The following SNAP23 variants were observed in gnomAD, a reference collection of about 807,000 sequenced individuals.
SNAP23 encodes synaptosomal-associated protein 23.
In SNAP23, 11 loss-of-function variants were observed where a neutral mutation model predicts 29.0. The observed-to-expected ratio is 0.38, with a 90% CI of 0.24 to 0.63. SNAP23 has a LOEUF of 0.63. SNAP23 is among the 20% of genes least tolerant of loss of function. The pLI is 0.58. For synonymous variants in SNAP23, 60 were observed against 82.9 expected, an observed-to-expected ratio of 0.72 and a Z score of 1.50; for missense variants, 220 against 253.9, an observed-to-expected ratio of 0.87 and a Z score of 0.91.
At chr15:42,516,634 G>A (rs963187001) in intron 5 of SNAP23, among the ~76,000 whole-genome samples, 2 of 152,108 alleles carry the variant, frequency 1.3e-5, no homozygotes, top group Middle Eastern at 3.4e-3. Context: ...CGGCCTCAAT[G>A]TATTCATTTT....
At chr15:42,508,376 G>A (rs1011688192) in intron 1 of SNAP23, among the ~76,000 whole-genome samples, 5 of 152,114 alleles carry the variant, frequency 3.3e-5, no homozygotes, top group Non-Finnish European at 7.3e-5. Context: ...GGGCCAATTG[G>A]TATCCACAGG....
intron 6 of SNAP23, among the ~76,000 whole-genome samples, chr15:42,529,030 A>G (rs2057536075): frequency 1.3e-5 from 2 of 152,226 alleles, no homozygotes; most frequent in African/African-American, 4.8e-5. Context: ...GTCATCTAGA[A>G]CAAGGGTCAG....
At chr15:42,515,406 C>A in intron 5 of SNAP23, 52 bp downstream of exon 5, 1 of 1,049,564 alleles carries the variant, frequency 9.5e-7, no homozygotes, top group Non-Finnish European at 1.4e-6. Context: ...AGTACCCCAC[C>A]TTCTCCCACC....
intron 5 of SNAP23, among the ~76,000 whole-genome samples, chr15:42,519,474 C>T (rs556850823): frequency 2.0e-5 from 3 of 151,416 alleles, no homozygotes; most frequent in South Asian, 2.1e-4. Flanking sequence ...TGGGTTCAAT[C>T]GATTCTCATG....
intron 2 of SNAP23, among the ~76,000 whole-genome samples, chr15:42,512,623 C>G (rs2057366377): frequency 6.6e-6 from 1 of 152,112 alleles, no homozygotes; most frequent in South Asian, 2.1e-4. Flanking sequence ...GTGATCCGCC[C>G]ACCTCAGCCT....
intron 5 of SNAP23, among the ~76,000 whole-genome samples, chr15:42,523,280 T>C (rs998698728): frequency 6.6e-5 from 10 of 152,192 alleles, no homozygotes; most frequent in African/African-American, 2.4e-4. Flanking sequence ...TTCATTAAAA[T>C]TTATCACAAA....
chr15:42,492,476 G>A (rs1188537866), upstream of SNAP23, among the ~76,000 whole-genome samples: 2 of 151,756 alleles, frequency 1.3e-5, no homozygotes, highest in Non-Finnish European at 2.9e-5. Context: ...TCCAGAGATC[G>A]AGACCATCCT....
chr15:42,517,199 C>G (rs568652147), intron 5 of SNAP23, among the ~76,000 whole-genome samples: 1 of 152,274 alleles, frequency 6.6e-6, no homozygotes, highest in Non-Finnish European at 1.5e-5. Flanking sequence ...GGATTACATG[C>G]GTGAGCCACT....
chr15:42,493,207 T>C (rs1044478420), upstream of SNAP23, among the ~76,000 whole-genome samples: 6 of 151,976 alleles, frequency 3.9e-5, no homozygotes, highest in Non-Finnish European at 7.4e-5. Flanking sequence ...CCGGCAGTGG[T>C]GGTGCACACC....
intron 1 of SNAP23, among the ~76,000 whole-genome samples, chr15:42,511,521 A>T (rs1440825934): frequency 2.0e-5 from 3 of 152,198 alleles, no homozygotes; most frequent in African/African-American, 7.2e-5. Context: ...TAGTCTTTTA[A>T]TGCTTGTCTT....
intron 6 of SNAP23, among the ~76,000 whole-genome samples, chr15:42,528,702 C>T (rs1452688218): frequency 6.6e-6 from 1 of 152,154 alleles, no homozygotes; most frequent in African/African-American, 2.4e-5. Context: ...TCTCCTGCCT[C>T]AGCCTTCCGA....
intron 1 of SNAP23, among the ~76,000 whole-genome samples, chr15:42,499,720 T>C (rs1249991776): frequency 6.6e-6 from 1 of 152,212 alleles, no homozygotes; most frequent in Admixed American, 6.5e-5. Context: ...AAGATACTGC[T>C]TTGGGCCTAA....
chr15:42,493,270 T>C (rs2057189300), upstream of SNAP23, among the ~76,000 whole-genome samples: 1 of 151,604 alleles, frequency 6.6e-6, no homozygotes, highest in Non-Finnish European at 1.5e-5. Flanking sequence ...GCTGCAAAGG[T>C]AGAGGTTGCA....
At chr15:42,524,465 T>G (rs1471420815) in intron 5 of SNAP23, among the ~76,000 whole-genome samples, 1 of 152,140 alleles carries the variant, frequency 6.6e-6, no homozygotes, top group African/African-American at 2.4e-5. Flanking sequence ...GAGCTCTGCC[T>G]CCTCTCAGAT....
chr15:42,513,321 GTGTTGCTCTTGTAGGTTT>G, intron 3 of SNAP23, 60 bp from the exon 4 acceptor site: 1 of 1,273,162 alleles, frequency 7.9e-7, no homozygotes, highest in South Asian at 1.2e-5. Flanking sequence ...AAATTATTCT[GTGTTGCTCTTGTAGGTTT>G]TGTTTCTGTT....
chr15:42,501,982 T>C (rs2057274391), intron 1 of SNAP23, among the ~76,000 whole-genome samples: 1 of 152,044 alleles, frequency 6.6e-6, no homozygotes, highest in Non-Finnish European at 1.5e-5. Context: ...CACTCTTTTC[T>C]GTTGGGGGTA....
At chr15:42,518,410 A>G (rs1043661741) in intron 5 of SNAP23, among the ~76,000 whole-genome samples, 10 of 151,824 alleles carry the variant, frequency 6.6e-5, no homozygotes, top group African/African-American at 1.9e-4. Context: ...TGCCATTTGG[A>G]AATACTTTTT....
At chr15:42,503,535 A>G (rs2057293588) in intron 1 of SNAP23, among the ~76,000 whole-genome samples, 1 of 151,912 alleles carries the variant, frequency 6.6e-6, no homozygotes, top group Middle Eastern at 3.2e-3. Context: ...ACGCCCAGCT[A>G]ATTTTTGTAT....
upstream of SNAP23, chr15:42,492,777 C>T (rs2057183559): frequency 6.6e-6 from 1 of 150,554 alleles, no homozygotes; most frequent in Non-Finnish European, 1.5e-5. Flanking sequence ...GTTTAGGAAA[C>T]TTCCAATTCC....
Sources: allele counts gnomAD v4.1 joint callset (sites outside exome capture counted in the v4.1 genomes callset), GRCh38; gene constraint gnomAD v4.1.1; transcripts MANE v1.5; gene names NCBI Gene and HGNC (gene_info 2026-07-23, HGNC 2026-07-21).